RFX4: variants seen among roughly 807,000 people sequenced by gnomAD.
RFX4 encodes the protein regulatory factor X4.
A neutral mutation model predicts 95.0 loss-of-function variants in RFX4; 10 were observed. That is an observed-to-expected ratio of 0.11 (90% CI 0.06 to 0.18). The LOEUF (loss-of-function observed/expected upper bound fraction) is 0.18. Among genes scored for constraint, RFX4 ranks in the 10% least tolerant of loss-of-function variants. RFX4 has a pLI of 1.00. For synonymous variants in RFX4, 321 were observed against 340.7 expected (o/e 0.94, Z 0.64); for missense variants, 640 against 922.0 (o/e 0.69, Z 3.96).
intron 15 of RFX4, among the ~76,000 whole-genome samples, chr12:106,746,142 G>A (rs2042889546): frequency 6.6e-6 from 1 of 152,102 alleles, no homozygotes; most frequent in African/African-American, 2.4e-5. Context: ...TGGGTCACAA[G>A]GTTAGGAGTT....
chr12:106,592,514 T>C (rs926640963), intron 1 of RFX4, among the ~76,000 whole-genome samples: 2 of 152,174 alleles, frequency 1.3e-5, no homozygotes, highest in Admixed American at 1.3e-4. Flanking sequence ...AGACGACGTA[T>C]GTTGCACAAC....
At chr12:106,666,811 C>A (rs2041185941) in intron 4 of RFX4, among the ~76,000 whole-genome samples, 1 of 152,202 alleles carries the variant, frequency 6.6e-6, no homozygotes, top group Non-Finnish European at 1.5e-5. Flanking sequence ...TTCTTGCAGG[C>A]TGTCTAATCT....
intron 6 of RFX4, among the ~76,000 whole-genome samples, chr12:106,687,380 C>T (rs1416781433): frequency 6.6e-6 from 1 of 151,892 alleles, no homozygotes; most frequent in Admixed American, 6.6e-5. Context: ...TGGTGAAACC[C>T]TGTCTCTACT....
chr12:106,759,832 T>C lies in RFX4; in HGVS notation c.1936-1365T>C, dbSNP rs185444660. 1.8e-3 allele frequency among the ~76,000 whole-genome samples: 275 copies of C among 152,226 alleles called. 1 individual carries two copies. Among genetic ancestry groups the C allele is most frequent in the African/African-American group, 6.3e-3 (261 of 41,534 alleles). On this transcript the variant is annotated intron_variant, in intron 17 of 17. Coordinates refer to ENST00000392842, the MANE Select transcript of RFX4 (RefSeq NM_213594.3). Reference sequence around the variant, plus strand: ...TACTTTTGCTATGTAAGGCATGCCATCCTATGTAGGGGGAAAAATCCCTCC... The same window carrying C: ...TACTTTTGCTATGTAAGGCATGCCACCCTATGTAGGGGGAAAAATCCCTCC...
intron 1 of RFX4, among the ~76,000 whole-genome samples, chr12:106,593,124 G>T (rs1289631401): frequency 6.6e-6 from 1 of 152,166 alleles, no homozygotes; most frequent in Non-Finnish European, 1.5e-5. Flanking sequence ...AAACATAAAA[G>T]CATTATTGTG....
chr12:106,735,955 T>C (rs775713344), intron 15 of RFX4, among the ~76,000 whole-genome samples: 5 of 152,162 alleles, frequency 3.3e-5, no homozygotes, highest in African/African-American at 4.8e-5. Flanking sequence ...GATTCCAGGC[T>C]TTATGGAGTG....
chr12:106,696,272 G>A lies in RFX4; in HGVS notation c.670-11G>A. 1 of 1,614,090 alleles carries A rather than the reference G, an allele frequency of 6.2e-7. No individual in the cohort carries two copies. Among genetic ancestry groups the A allele is most frequent in the South Asian group, 1.1e-5 (1 of 91,070 alleles). On this transcript the variant is annotated splice_polypyrimidine_tract_variant and intron_variant, in intron 7 of 17. Transcript: ENST00000392842. ...TAACCTCATGATTCTTCTCTCTGTG[G>A]GTCAATACAGGTTCAAAGTTTCCTT...
intron 15 of RFX4, among the ~76,000 whole-genome samples, chr12:106,743,298 G>A (rs1015995394): frequency 7.2e-5 from 11 of 152,142 alleles, no homozygotes; most frequent in Admixed American, 4.6e-4. Context: ...TGTAAGCTGC[G>A]CAGATTTTCT....
chr12:106,626,016 A>G (rs1355408322), intron 2 of RFX4, among the ~76,000 whole-genome samples: 1 of 152,222 alleles, frequency 6.6e-6, no homozygotes, highest in African/African-American at 2.4e-5. Context: ...TGAATTTTCA[A>G]TCTAGAAGAG....
intron 1 of RFX4, among the ~76,000 whole-genome samples, chr12:106,607,216 A>G (rs1186494086): frequency 6.6e-6 from 1 of 152,198 alleles, no homozygotes; most frequent in African/African-American, 2.4e-5. Flanking sequence ...ATTATACAGA[A>G]TCGGCCAACA....
chr12:106,736,075 C>T (rs188108944), intron 15 of RFX4, among the ~76,000 whole-genome samples: 3 of 152,288 alleles, frequency 2.0e-5, no homozygotes, highest in Non-Finnish European at 4.4e-5. Flanking sequence ...TCAAATCTTT[C>T]CTCTCCCTCA....
chr12:106,593,578 G>A (rs1406842913), intron 1 of RFX4, among the ~76,000 whole-genome samples: 1 of 152,172 alleles, frequency 6.6e-6, no homozygotes, highest in Non-Finnish European at 1.5e-5. Context: ...AATGCATTTT[G>A]TGAATAAAAT....
At chr12:106,593,179 A>T (rs2039571912) in intron 1 of RFX4, among the ~76,000 whole-genome samples, 1 of 152,240 alleles carries the variant, frequency 6.6e-6, no homozygotes, top group Admixed American at 6.5e-5. Flanking sequence ...GAAAATGGAC[A>T]CGTTGGATTT....
chr12:106,659,307 A>G (rs1056583709), intron 4 of RFX4, among the ~76,000 whole-genome samples: 1 of 152,086 alleles, frequency 6.6e-6, no homozygotes, highest in African/African-American at 2.4e-5. Flanking sequence ...TTCCCTGACC[A>G]TTCCCTCCTG....
At chr12:106,721,553 G>A (rs898184132) in intron 13 of RFX4, among the ~76,000 whole-genome samples, 1 of 152,162 alleles carries the variant, frequency 6.6e-6, no homozygotes, top group African/African-American at 2.4e-5. Context: ...TTGTAGGACA[G>A]TTTTCTACTT....
intron 10 of RFX4, among the ~76,000 whole-genome samples, chr12:106,713,354 A>G (rs972020916): frequency 1.3e-5 from 2 of 152,200 alleles, no homozygotes; most frequent in African/African-American, 2.4e-5. Flanking sequence ...TGTGTGCCCA[A>G]TACTGTGCTT....
chr12:106,658,484 T>C (rs2041005832), intron 4 of RFX4, among the ~76,000 whole-genome samples: 1 of 152,194 alleles, frequency 6.6e-6, no homozygotes, highest in Admixed American at 6.5e-5. Flanking sequence ...TTCAGTCCAA[T>C]TTAAAACTTC....
intron 17 of RFX4, among the ~76,000 whole-genome samples, chr12:106,753,832 G>A (rs547513054): frequency 9.8e-5 from 15 of 152,306 alleles, no homozygotes; most frequent in African/African-American, 2.9e-4. Context: ...TGCTGAGCAC[G>A]CTCACTCTAT....
intron 17 of RFX4, among the ~76,000 whole-genome samples, chr12:106,758,865 C>T (rs2043158064): frequency 6.6e-6 from 1 of 152,214 alleles, no homozygotes; most frequent in Non-Finnish European, 1.5e-5. Flanking sequence ...TTGGGCAGGA[C>T]ACTTGATCTC....
Sources: gnomAD v4.1 joint callset for allele counts (sites outside exome capture counted in the v4.1 genomes callset) on GRCh38, gnomAD v4.1.1 for gene constraint, MANE v1.5 for transcripts, NCBI Gene and HGNC (gene_info 2026-07-23, HGNC 2026-07-21) for gene names.